DLGAP1: variants seen among roughly 807,000 people sequenced by gnomAD.
DLGAP1 encodes the protein DLG associated protein 1, also known as disks large-associated protein 1.
Under a neutral mutation model 90.8 loss-of-function variants are expected in DLGAP1, and 11 were observed. The ratio of observed to expected loss-of-function variants is 0.12; its 90% CI spans 0.08 to 0.20. The LOEUF (loss-of-function observed/expected upper bound fraction) is 0.20. DLGAP1 is among the 10% of genes least tolerant of loss of function. DLGAP1 has a pLI of 1.00. For synonymous variants in DLGAP1, 558 were observed against 540.7 expected (o/e 1.03, Z -0.44); for missense variants, 1,050 against 1,333.8 (o/e 0.79, Z 3.31).
intron 3 of DLGAP1, among the ~76,000 whole-genome samples, chr18:3,930,913 C>T (rs2072501194): frequency 6.6e-6 from 1 of 152,178 alleles, no homozygotes; most frequent in Non-Finnish European, 1.5e-5. Flanking sequence ...ACCCTGTTGC[C>T]ATGGTTACGC....
chr18:4,419,912 C>T (rs1315787923), intron 1 of DLGAP1, among the ~76,000 whole-genome samples: 1 of 151,516 alleles, frequency 6.6e-6, no homozygotes, highest in East Asian at 1.9e-4. Context: ...AAATCAAAAC[C>T]CAAGTATATG....
intron 1 of DLGAP1, among the ~76,000 whole-genome samples, chr18:4,277,039 A>C (rs1012686335): frequency 6.6e-6 from 1 of 152,220 alleles, no homozygotes; most frequent in Non-Finnish European, 1.5e-5. Context: ...AACTTAGCTC[A>C]TGCTGATTTT....
rs569804856 is a variant in DLGAP1 at position 3,729,948 on chromosome 18, T to G, written c.1351-573A>C. Among the ~76,000 whole-genome samples the G allele has an allele frequency of 1.3e-5, 2 of 152,336 alleles. No individual in the cohort carries two copies. The highest frequency in any genetic ancestry group is 4.1e-4 in the South Asian group (2 of 4,830). On this transcript the variant is annotated intron_variant, in intron 6 of 12. Transcript: ENST00000315677. The surrounding 1 kb of genome is among the most constrained non-coding windows in gnomAD (Gnocchi z 6.2). Reference sequence around the variant, plus strand: ...AAATAATTTCAGTGTTAAGCTTAATTTAGTGCAAGGTATGGAAACATGCCC... The same window carrying G: ...AAATAATTTCAGTGTTAAGCTTAATGTAGTGCAAGGTATGGAAACATGCCC...
intron 7 of DLGAP1, among the ~76,000 whole-genome samples, chr18:3,726,195 T>C (rs1267086454): frequency 6.6e-6 from 1 of 152,210 alleles, no homozygotes; most frequent in East Asian, 1.9e-4. Flanking sequence ...CATCAAGTCC[T>C]ACTAAACCGA....
intron 1 of DLGAP1, among the ~76,000 whole-genome samples, chr18:4,432,059 T>G (rs2083294599): frequency 6.6e-6 from 1 of 152,226 alleles, no homozygotes. Flanking sequence ...TTAACTCATG[T>G]GGTGGTGTCT....
chr18:3,901,389 C>T lies in DLGAP1; in HGVS notation c.-72-21249G>A, dbSNP rs188045634. ...CTCTTCTCCCACTGTGGGGTGACCA[C>T]GGTTACCCGTAAGGACAATACACTT... is the stretch of plus-strand genomic sequence containing the variant. On this transcript the variant is annotated intron_variant, in intron 3 of 12. Coordinates refer to ENST00000315677, the MANE Select transcript of DLGAP1 (RefSeq NM_004746.4). 4.8e-4 allele frequency among the ~76,000 whole-genome samples: 73 copies of T among 152,226 alleles called. 1 individual carries two copies. The highest frequency in any genetic ancestry group is 1.5e-3 in the African/African-American group (64 of 41,550).
chr18:3,868,713 C>T (rs1673277413), intron 4 of DLGAP1, among the ~76,000 whole-genome samples: 1 of 152,180 alleles, frequency 6.6e-6, no homozygotes, highest in South Asian at 2.1e-4. Context: ...ATTGGAGAAG[C>T]AGGCGAGGTA....
chr18:4,326,367 C>T (rs79935172), intron 1 of DLGAP1, among the ~76,000 whole-genome samples: 8,224 of 151,984 alleles, frequency 0.054, 305 homozygotes, highest in African/African-American at 0.1. Context: ...GCAAGGTTGT[C>T]GAGAAAAACG....
At chr18:3,791,509 C>T (rs575797416) in intron 5 of DLGAP1, among the ~76,000 whole-genome samples, 1 of 147,312 alleles carries the variant, frequency 6.8e-6, no homozygotes, top group Non-Finnish European at 1.5e-5. Flanking sequence ...GTGATGTGCA[C>T]ATGTGCGTGT....
At chr18:4,265,834 T>A (rs975841225) in intron 1 of DLGAP1, among the ~76,000 whole-genome samples, 1 of 151,610 alleles carries the variant, frequency 6.6e-6, no homozygotes, top group African/African-American at 2.4e-5. Flanking sequence ...ACCACAGGTG[T>A]GTGCCATCAT....
chr18:3,822,423 T>C (rs1429476492), intron 4 of DLGAP1, among the ~76,000 whole-genome samples: 1 of 152,184 alleles, frequency 6.6e-6, no homozygotes, highest in East Asian at 1.9e-4. Flanking sequence ...GCTGGGTAAA[T>C]ACACCAAAAG....
intron 2 of DLGAP1, among the ~76,000 whole-genome samples, chr18:4,087,807 C>T (rs1185896247): frequency 1.3e-5 from 2 of 152,040 alleles, no homozygotes; most frequent in Non-Finnish European, 2.9e-5. Context: ...TACTCTTAAC[C>T]TAGTTCTTTA....
chr18:3,977,557 C>G lies in DLGAP1; in HGVS notation c.-73+27559G>C, dbSNP rs544033290. 17 of 175,172 alleles carry G rather than the reference C, an allele frequency of 9.7e-5. No individual in the cohort carries two copies. In the South Asian group the frequency reaches 2.2e-3, roughly 23 times the overall value. 10.9% of individuals were successfully genotyped at this position (175,172 alleles called of 1,614,324 possible). ...ATGGAAACTGTGAGGAGGGGAGAGT[C>G]TCAGTGTTGTGGAGGACTGAGTGCG... On this transcript the variant is annotated intron_variant, in intron 3 of 12. Transcript: ENST00000315677.
chr18:3,973,596 C>T (rs1465946), intron 3 of DLGAP1, among the ~76,000 whole-genome samples: 59,995 of 152,026 alleles, frequency 0.39, 12,048 homozygotes, highest in Non-Finnish European at 0.42. Flanking sequence ...GATTCTAACT[C>T]GACTACATTT....
At chr18:3,949,102 AG>A (rs2066646311) in intron 3 of DLGAP1, among the ~76,000 whole-genome samples, 1 of 152,182 alleles carries the variant, frequency 6.6e-6, no homozygotes, top group African/African-American at 2.4e-5. Context: ...CCAATAACAC[AG>A]GGCCCTGGAC....
At chr18:3,748,441 G>A (rs571423865) in intron 5 of DLGAP1, among the ~76,000 whole-genome samples, 7 of 152,358 alleles carry the variant, frequency 4.6e-5, no homozygotes, top group South Asian at 2.1e-4. Flanking sequence ...AGAAGGAAAT[G>A]CTTCCAGGTT....
chr18:3,874,485 C>A, intron 4 of DLGAP1: 1 of 1,436,444 alleles, frequency 7.0e-7, no homozygotes, highest in Non-Finnish European at 9.1e-7. Context: ...ACAACATTTA[C>A]ATAAAGAGGC....
At chr18:4,357,537 A>G (rs2081548482) in intron 1 of DLGAP1, among the ~76,000 whole-genome samples, 1 of 152,234 alleles carries the variant, frequency 6.6e-6, no homozygotes, top group African/African-American at 2.4e-5. Context: ...CACAGAAGAT[A>G]AGTCAATATA....
chr18:3,718,183 C>T (rs897481660), intron 7 of DLGAP1, among the ~76,000 whole-genome samples: 3 of 152,006 alleles, frequency 2.0e-5, no homozygotes, highest in Non-Finnish European at 2.9e-5. Context: ...AGAAAAGGCC[C>T]GGTGCAGCGG....
Sources: gnomAD v4.1 joint callset for allele counts (sites outside exome capture counted in the v4.1 genomes callset) on GRCh38, gnomAD v4.1.1 for gene constraint, Gnocchi (gnomAD v3.1) non-coding constraint, MANE v1.5 for transcripts, NCBI Gene and HGNC (gene_info 2026-07-23, HGNC 2026-07-21) for gene names.